The following GABRG1 variants were observed in gnomAD, a reference collection of about 807,000 sequenced individuals.
The protein encoded by GABRG1 is gamma-aminobutyric acid type A receptor subunit gamma1.
In GABRG1, 49 loss-of-function variants were observed where a neutral mutation model predicts 49.8. The ratio of observed to expected loss-of-function variants is 0.98; its 90% CI spans 0.78 to 1.25. The LOEUF (loss-of-function observed/expected upper bound fraction) is 1.25, where lower values mean the gene tolerates loss of function less well. GABRG1 is among the 50% of genes most tolerant of loss of function. The pLI, the probability that GABRG1 is intolerant of heterozygous loss-of-function variation, is 0.00. For synonymous variants in GABRG1, 232 were observed against 185.1 expected, an observed-to-expected ratio of 1.25 and a Z score of -2.06; for missense variants, 552 against 552.3, an observed-to-expected ratio of 1.00 and a Z score of 0.01.
At chr4:46,121,192 C>T (rs1026326494) in intron 1 of GABRG1, among the ~76,000 whole-genome samples, 7 of 151,666 alleles carry the variant, frequency 4.6e-5, no homozygotes, top group African/African-American at 1.7e-4. Flanking sequence ...TGGGAAGTCC[C>T]CAAAATAGAT....
chr4:46,102,879 T>C (rs1051399666), intron 1 of GABRG1, among the ~76,000 whole-genome samples: 4 of 151,632 alleles, frequency 2.6e-5, no homozygotes, highest in Non-Finnish European at 5.9e-5. Context: ...AGAAAATCCA[T>C]CCTTATTACT....
intron 8 of GABRG1, among the ~76,000 whole-genome samples, chr4:46,048,777 C>T (rs191375981): frequency 6.6e-6 from 1 of 151,674 alleles, no homozygotes; most frequent in Admixed American, 6.6e-5. Context: ...TGAGAGAGAG[C>T]AAGCAAGCTG....
intron 4 of GABRG1, 116 bp from the exon 5 acceptor site, chr4:46,064,639 G>A: frequency 4.5e-6 from 2 of 445,706 alleles, no homozygotes; most frequent in South Asian, 5.4e-5. Context: ...TGACCTATTA[G>A]AATATAATAA....
chr4:46,123,340 G>GA (rs1339100781), intron 1 of GABRG1, among the ~76,000 whole-genome samples: 2 of 152,152 alleles, frequency 1.3e-5, no homozygotes, highest in Admixed American at 6.6e-5. Flanking sequence ...GTTTGTTCCA[G>GA]AAAGTTACCA....
chr4:46,121,750 G>A (rs1055780180), intron 1 of GABRG1, among the ~76,000 whole-genome samples: 35 of 151,438 alleles, frequency 2.3e-4, no homozygotes, highest in Non-Finnish European at 4.3e-4. Context: ...AACTGAGGCC[G>A]TAAGGGCTAA....
chr4:46,109,903 G>T (rs1720666594), intron 1 of GABRG1, among the ~76,000 whole-genome samples: 1 of 150,996 alleles, frequency 6.6e-6, no homozygotes, highest in East Asian at 2.0e-4. Context: ...TGACCTTTTT[G>T]AATTTGTTGA....
At chr4:46,049,638 CAT>C (rs1244588684) in intron 8 of GABRG1, among the ~76,000 whole-genome samples, 6 of 151,844 alleles carry the variant, frequency 4.0e-5, no homozygotes, top group African/African-American at 1.4e-4. Context: ...AAAGACTTAA[CAT>C]ATGGATTAAA....
chr4:46,096,236 GA>G (rs1167090760), intron 2 of GABRG1, among the ~76,000 whole-genome samples: 5 of 151,388 alleles, frequency 3.3e-5, no homozygotes, highest in Non-Finnish European at 5.9e-5. Context: ...CAAAGGAGAA[GA>G]AAAAAAGAAA....
intron 3 of GABRG1, among the ~76,000 whole-genome samples, chr4:46,068,014 G>C (rs1472549111): frequency 2.6e-5 from 4 of 152,010 alleles, no homozygotes; most frequent in Admixed American, 6.6e-5. Flanking sequence ...TTTGTCTTTG[G>C]AATCAATTAT....
At chr4:46,095,900 T>C (rs956968473) in intron 2 of GABRG1, among the ~76,000 whole-genome samples, 4 of 151,864 alleles carry the variant, frequency 2.6e-5, no homozygotes, top group Admixed American at 2.0e-4. Flanking sequence ...GGGGTTTTCC[T>C]GTAAAGATTA....
chr4:46,102,752 T>TG (rs1488657913), intron 1 of GABRG1, among the ~76,000 whole-genome samples: 1 of 151,574 alleles, frequency 6.6e-6, no homozygotes, highest in Non-Finnish European at 1.5e-5. Context: ...TTACTGTATG[T>TG]GGGAAAAAAA....
chr4:46,098,945 T>C (rs191550366), intron 1 of GABRG1, among the ~76,000 whole-genome samples: 23 of 151,840 alleles, frequency 1.5e-4, no homozygotes, highest in African/African-American at 5.5e-4. Flanking sequence ...ATGAAGATGC[T>C]TGTGAAGTAA....
intron 1 of GABRG1, among the ~76,000 whole-genome samples, chr4:46,109,216 A>G (rs936368588): frequency 2.0e-5 from 3 of 150,908 alleles, no homozygotes; most frequent in Non-Finnish European, 4.5e-5. Context: ...TGGTCTGTTC[A>G]GGATTTTAAT....
intron 3 of GABRG1, among the ~76,000 whole-genome samples, chr4:46,069,552 A>C (rs952917037): frequency 1.3e-5 from 2 of 152,146 alleles, no homozygotes; most frequent in Non-Finnish European, 2.9e-5. Flanking sequence ...GGTTATGCCA[A>C]TTGCTTAAAT....
intron 8 of GABRG1, among the ~76,000 whole-genome samples, chr4:46,045,605 A>C (rs1414810806): frequency 9.1e-6 from 1 of 110,384 alleles, no homozygotes; most frequent in African/African-American, 4.0e-5. Context: ...TTTCTTAAGA[A>C]AAGAAAAAAA....
At chr4:46,100,428 A>G (rs1258382596) in intron 1 of GABRG1, among the ~76,000 whole-genome samples, 1 of 151,056 alleles carries the variant, frequency 6.6e-6, no homozygotes, top group African/African-American at 2.4e-5. Flanking sequence ...CCATGACACA[A>G]GTTTACTTAA....
chr4:46,065,529 A>C lies in GABRG1; in HGVS notation c.377T>G (p.Phe126Cys). 1 of 1,608,762 alleles carries C rather than the reference A, an allele frequency of 6.2e-7. No homozygotes were observed. Among genetic ancestry groups the C allele is most frequent in the Non-Finnish European group, 8.5e-7 (1 of 1,175,598 alleles). ...CATAAGCACTTTCATGGTACTATTG[A>C]ATTTTAAACGACTGTCAAACCAGGT... Reference protein sequence around the residue: ...AQTWFDSRLKFNSTMKVLMLN... With the variant: ...AQTWFDSRLKCNSTMKVLMLN... Residue 126 changes from phenylalanine (F) to cysteine (C), a missense_variant, in exon 4 of 9, where the codon TTC becomes TGC. Transcript: ENST00000295452.
chr4:46,056,977 G>C (rs1055487578), intron 7 of GABRG1, among the ~76,000 whole-genome samples: 4 of 152,052 alleles, frequency 2.6e-5, no homozygotes, highest in African/African-American at 9.7e-5. Flanking sequence ...AAACCCAGTG[G>C]TATAAATAAT....
chr4:46,080,558 G>T (rs149537235), intron 3 of GABRG1, among the ~76,000 whole-genome samples: 22 of 151,620 alleles, frequency 1.5e-4, no homozygotes, highest in East Asian at 1.9e-4. Flanking sequence ...ACTGTTGAAG[G>T]TTACAAGTGT....
Sources: allele counts gnomAD v4.1 joint callset (sites outside exome capture counted in the v4.1 genomes callset), GRCh38; gene constraint gnomAD v4.1.1; transcripts MANE v1.5; gene names NCBI Gene and HGNC (gene_info 2026-07-23, HGNC 2026-07-21).